The following TSBP1 variants were observed in gnomAD, a reference collection of about 807,000 sequenced individuals.
The protein encoded by TSBP1 is testis expressed basic protein 1.
TSBP1 carries 56 observed loss-of-function variants against 68.8 expected under a neutral mutation model. That is an observed-to-expected ratio of 0.81 (90% CI 0.66 to 1.02). The LOEUF (loss-of-function observed/expected upper bound fraction) is 1.02, where lower values mean the gene tolerates loss of function less well. Ranked by LOEUF, TSBP1 falls within the 50% of genes least tolerant of loss-of-function variation. The pLI is 0.00. For missense variants in TSBP1, 502 were observed against 641.2 expected (o/e 0.78, Z 2.34); for synonymous variants, 171 against 208.7 (o/e 0.82, Z 1.56).
intron 6 of TSBP1, among the ~76,000 whole-genome samples, chr6:32,363,553 T>C (rs954035497): frequency 6.9e-4 from 104 of 151,386 alleles, no homozygotes; most frequent in African/African-American, 2.5e-3. Flanking sequence ...GTGGTTACCA[T>C]AAGCTTACAT....
intron 16 of TSBP1, chr6:32,324,673 G>C: frequency 6.4e-7 from 1 of 1,550,706 alleles, no homozygotes; most frequent in Non-Finnish European, 8.7e-7. Flanking sequence ...GTGAGGATGC[G>C]ATCTGACTGA....
chr6:32,355,261 G>GA, intron 7 of TSBP1, 117 bp from the exon 8 acceptor site: 6 of 986,102 alleles, frequency 6.1e-6, no homozygotes, highest in Non-Finnish European at 9.6e-6. Context: ...TAGGCCCCGG[G>GA]AGTCATCACT....
In TSBP1 at chr6:32,336,554, C is replaced by A; in HGVS notation, c.430+61G>T. ...TTAAAAATGCAGGGCAGATCAGGCC[C>A]CAAGACCTTGTAGGTCAGATATCAA... On this transcript the variant is annotated intron_variant, in intron 12 of 22. Transcript: ENST00000612031. This position sits in a 1 kb window ranked among gnomAD's most constrained non-coding sequence, Gnocchi z 5.2. The A allele has an allele frequency of 7.1e-7, 1 of 1,414,324 alleles. No individual in the cohort carries two copies. 87.6% of individuals were successfully genotyped at this position (1,414,324 alleles called of 1,614,324 possible).
chr6:32,366,054 C>A, intron 6 of TSBP1, 113 bp downstream of exon 6: 1 of 1,329,002 alleles, frequency 7.5e-7, no homozygotes, highest in Non-Finnish European at 1.0e-6. Flanking sequence ...TCTGTAACTA[C>A]TTTGATTTCT....
intron 19 of TSBP1, among the ~76,000 whole-genome samples, chr6:32,305,028 AC>A (rs1301119604): frequency 6.6e-6 from 1 of 152,212 alleles, no homozygotes; most frequent in Non-Finnish European, 1.5e-5. Context: ...CTCCATAACA[AC>A]TGTTTCAGCA....
intron 4 of TSBP1, among the ~76,000 whole-genome samples, chr6:32,366,680 G>T (rs933424622): frequency 7.0e-6 from 1 of 143,310 alleles, no homozygotes; most frequent in East Asian, 2.1e-4. Context: ...GGAGAATGGC[G>T]TGAACCCGGG....
chr6:32,322,099 T>G (rs1767693218), intron 18 of TSBP1, among the ~76,000 whole-genome samples: 1 of 152,224 alleles, frequency 6.6e-6, no homozygotes, highest in Admixed American at 6.5e-5. Flanking sequence ...TGATTTAATT[T>G]CAGGCTGAGG....
chr6:32,323,979 TC>T lies in TSBP1; in HGVS notation c.515-366del, dbSNP rs897846076. 4 of 247,262 alleles carry T rather than the reference TC, an allele frequency of 1.6e-5. No homozygotes were observed. The South Asian group carries it at 2.3e-4, about 14-fold the overall frequency. The allele number at this position is 247,262 out of a possible 1,614,324, so 15.3% of individuals were successfully genotyped here. A position where few individuals can be genotyped will look rare whatever the true frequency, so the allele number is the denominator to read the frequency against. On this transcript the variant is annotated intron_variant, in intron 16 of 22. Transcript: ENST00000612031. ...CAGAAACAATTATCTCCTTTTTCTT[TC>T]CCCATTGCTCAAATTGTCTTTCAGT...
intron 16 of TSBP1, among the ~76,000 whole-genome samples, chr6:32,329,165 A>C (rs935821603): frequency 1.3e-5 from 2 of 152,208 alleles, no homozygotes; most frequent in African/African-American, 2.4e-5. Context: ...AAAGGAATAA[A>C]ATAGCAATAT....
At chr6:32,297,396 G>T (rs1447184334) in intron 22 of TSBP1, among the ~76,000 whole-genome samples, 2 of 152,090 alleles carry the variant, frequency 1.3e-5, no homozygotes, top group African/African-American at 4.8e-5. Context: ...TTTTAAATTG[G>T]ATTAATTTTT....
intron 8 of TSBP1, among the ~76,000 whole-genome samples, chr6:32,351,145 T>G (rs964866869): frequency 4.6e-5 from 7 of 152,198 alleles, no homozygotes; most frequent in African/African-American, 1.7e-4. Flanking sequence ...GTTGACTATT[T>G]CCCCAAAATT....
At chr6:32,358,602 C>T (rs1239396771) in intron 6 of TSBP1, among the ~76,000 whole-genome samples, 1 of 151,964 alleles carries the variant, frequency 6.6e-6, no homozygotes, top group Non-Finnish European at 1.5e-5. Flanking sequence ...GTGTGATGTT[C>T]CCCTTCCTGT....
rs144613627 is a variant in TSBP1 at position 32,325,518 on chromosome 6, C to T, written c.515-1904G>A. ...AGAAGATTCTCAAATACCAGGTGCC[C>T]ACTTAACTGTGAAAAAGATATATGC... On this transcript the variant is annotated intron_variant, in intron 16 of 22. Transcript: ENST00000612031. This position sits in a 1 kb window ranked among gnomAD's most constrained non-coding sequence, Gnocchi z 4.4. 456 of 866,294 alleles carry T rather than the reference C, an allele frequency of 5.3e-4. 2 individuals carry two copies. In the East Asian group the frequency reaches 9.4e-3, roughly 18 times the overall value. The allele number at this position is 866,294 out of a possible 1,614,324, so 53.7% of individuals were successfully genotyped here. A position where few individuals can be genotyped will look rare whatever the true frequency, so the allele number is the denominator to read the frequency against.
chr6:32,356,265 T>A (rs1219762734), intron 6 of TSBP1, among the ~76,000 whole-genome samples: 1 of 152,174 alleles, frequency 6.6e-6, no homozygotes, highest in Non-Finnish European at 1.5e-5. Context: ...TTCACTAAAG[T>A]ATAGTTAAAG....
chr6:32,332,034 C>T (rs1428116599), exon 15 of TSBP1: 3 of 1,597,186 alleles, frequency 1.9e-6, no homozygotes, highest in East Asian at 2.2e-5. Context: ...GGCAGCTTAC[C>T]AATAGGTCCT....
chr6:32,351,685 A>T (rs1771736616), intron 8 of TSBP1, among the ~76,000 whole-genome samples: 1 of 152,018 alleles, frequency 6.6e-6, no homozygotes, highest in African/African-American at 2.4e-5. Context: ...CAGAATGGAA[A>T]CTCTTGAATG....
intron 6 of TSBP1, among the ~76,000 whole-genome samples, chr6:32,358,935 T>C (rs1456422707): frequency 6.9e-6 from 1 of 145,796 alleles, no homozygotes; most frequent in Non-Finnish European, 1.5e-5. Context: ...ATTATTATTA[T>C]ACTTTAAGTT....
intron 10 of TSBP1, 36 bp downstream of exon 11, chr6:32,339,563 TA>T (rs34999261): frequency 5.7e-5 from 65 of 1,137,074 alleles, no homozygotes; most frequent in Non-Finnish European, 7.1e-5. Flanking sequence ...TAGGTGTCAG[TA>T]AAAAAAGGAC....
At chr6:32,310,761 A>ATATTTTTTTTTTTTTTTTT in intron 19 of TSBP1, among the ~76,000 whole-genome samples, 2 of 144,804 alleles carry the variant, frequency 1.4e-5, no homozygotes, top group East Asian at 2.0e-4. Flanking sequence ...ATATATATAT[A>ATATTTTTTTTTTTTTTTTT]TTTTTAATCT....
Sources: allele counts gnomAD v4.1 joint callset (sites outside exome capture counted in the v4.1 genomes callset), GRCh38; gene constraint gnomAD v4.1.1; non-coding constraint Gnocchi (gnomAD v3.1); transcripts MANE v1.5; gene names NCBI Gene and HGNC (gene_info 2026-07-23, HGNC 2026-07-21).